The following MLLT10 variants were observed in gnomAD, a reference collection of about 807,000 sequenced individuals.
MLLT10 encodes the protein protein AF-10.
A neutral mutation model predicts 129.1 loss-of-function variants in MLLT10; 30 were observed. That is an observed-to-expected ratio of 0.23 (90% CI 0.17 to 0.32). MLLT10 has a LOEUF of 0.32. MLLT10 is among the 10% of genes least tolerant of loss of function. The probability of loss-of-function intolerance (pLI) is 1.00; values close to 1 mark genes in which losing one functional copy is unlikely to be tolerated. For missense variants in MLLT10, 1,119 were observed against 1,268.3 expected, an observed-to-expected ratio of 0.88 and a Z score of 1.79; for synonymous variants, 490 against 446.4, an observed-to-expected ratio of 1.10 and a Z score of -1.23.
rs1487208857 is a variant in MLLT10, at chr10:21,593,318, C to A, written c.296-2013C>A. Reference sequence around the variant, plus strand: ...TTGTTGCCTAGGGTGGTCTTGAACTCCTGATCTCAAGTGATCCGCCTCAGC... The same window carrying A: ...TTGTTGCCTAGGGTGGTCTTGAACTACTGATCTCAAGTGATCCGCCTCAGC... On this transcript the variant is annotated intron_variant, in intron 4 of 22. Coordinates refer to ENST00000307729, the MANE Select transcript of MLLT10 (RefSeq NM_001195626.3). 3.9e-5 allele frequency among the ~76,000 whole-genome samples: 6 copies of A among 151,996 alleles called. No individual in the cohort carries two copies. In the East Asian group the frequency reaches 1.2e-3, roughly 29 times the overall value.
chr10:21,652,988 T>TCTA (rs1010513062), intron 9 of MLLT10, among the ~76,000 whole-genome samples: 53 of 152,198 alleles, frequency 3.5e-4, no homozygotes, highest in African/African-American at 1.2e-3. Flanking sequence ...CACTAGAAGG[T>TCTA]ATAGAGTCAC....
At chr10:21,535,197 G>A (rs2033708669) in intron 2 of MLLT10, among the ~76,000 whole-genome samples, 1 of 152,160 alleles carries the variant, frequency 6.6e-6, no homozygotes, top group African/African-American at 2.4e-5. Flanking sequence ...GTTTGGGAGA[G>A]TGGAGCGCCC....
intron 15 of MLLT10, 46 bp from the exon 16 acceptor site, chr10:21,727,810 A>G (rs1305991093): frequency 6.8e-7 from 1 of 1,476,448 alleles, no homozygotes; most frequent in South Asian, 1.1e-5. Context: ...AAAACCTCTT[A>G]TCTAGTGAGA....
At chr10:21,675,754 C>G (rs1361530923) in intron 11 of MLLT10, among the ~76,000 whole-genome samples, 2 of 152,074 alleles carry the variant, frequency 1.3e-5, no homozygotes, top group Non-Finnish European at 1.5e-5. Context: ...TGTGGGGAGA[C>G]CTCTTTACTG....
In MLLT10 at chr10:21,717,828, T is replaced by C. The variant is rs1264103145; in HGVS notation, c.1878+3878T>C. ...TTCTTCTTCTCCTTCTTCTCCTCCT[T>C]CTCCTCCTCCTTCTCCTCCTCCTTC... On this transcript the variant is annotated intron_variant, in intron 14 of 22. Coordinates refer to ENST00000307729, the MANE Select transcript of MLLT10 (RefSeq NM_001195626.3). Among the ~76,000 whole-genome samples, 91 of 113,134 alleles carry C rather than the reference T, an allele frequency of 8.0e-4. 1 individual carries two copies. Among genetic ancestry groups the C allele is most frequent in the African/African-American group, 3.0e-3 (86 of 28,928 alleles). 74.2% of individuals were successfully genotyped at this position (113,134 alleles called of 152,430 possible).
At chr10:21,551,128 C>T (rs1248107945) in intron 3 of MLLT10, among the ~76,000 whole-genome samples, 3 of 151,232 alleles carry the variant, frequency 2.0e-5, no homozygotes, top group South Asian at 2.1e-4. Flanking sequence ...GGTTTCACCA[C>T]GTTGGTCAGG....
At chr10:21,550,612 A>G (rs1233233412) in intron 3 of MLLT10, among the ~76,000 whole-genome samples, 2 of 151,682 alleles carry the variant, frequency 1.3e-5, no homozygotes, top group African/African-American at 4.9e-5. Context: ...GCTCACTTCA[A>G]CCTCCGCCTC....
intron 9 of MLLT10, among the ~76,000 whole-genome samples, chr10:21,664,944 C>CTTTTTTTTTTTTT (rs146373535): frequency 7.5e-5 from 9 of 119,388 alleles, no homozygotes; most frequent in Non-Finnish European, 1.5e-4. Context: ...TTTTTCTTTT[C>CTTTTTTTTTTTTT]TTTTTTTTTT....
chr10:21,547,589 C>T (rs766185850), intron 3 of MLLT10, among the ~76,000 whole-genome samples: 6 of 149,960 alleles, frequency 4.0e-5, no homozygotes, highest in Admixed American at 1.3e-4. Context: ...AGTGTGATCT[C>T]GGCTCACTGC....
At chr10:21,723,555 A>G (rs1213191182) in intron 14 of MLLT10, among the ~76,000 whole-genome samples, 4 of 152,218 alleles carry the variant, frequency 2.6e-5, no homozygotes, top group African/African-American at 9.6e-5. Flanking sequence ...TAAGGCATCT[A>G]GAAGTACACT....
chr10:21,734,339 T>C (rs558407185), intron 20 of MLLT10, among the ~76,000 whole-genome samples: 60 of 152,344 alleles, frequency 3.9e-4, no homozygotes, highest in African/African-American at 1.4e-3. Context: ...AGCATTATGT[T>C]CTGTGCTGAA....
At position 21,732,969 on chromosome 10, in the gene MLLT10, C is replaced by T. The variant is rs2058080029; in HGVS notation, c.2289C>T (p.Asn763=). The T allele has an allele frequency of 2.5e-6, 4 of 1,613,852 alleles. No individual in the cohort carries two copies. The highest frequency in any genetic ancestry group is 3.4e-6 in the Non-Finnish European group (4 of 1,179,972). The change falls in exon 18 of 23, where the codon AAC becomes AAT. Residue 763 remains asparagine, a synonymous_variant. Coordinates refer to ENST00000307729, the MANE Select transcript of MLLT10 (RefSeq NM_001195626.3). ...GAAGATTAGAGGAACAAATTAAAAA[C>T]TTGACTGCCAAAAAGGAACGGCTTC... is the stretch of plus-strand genomic sequence containing the variant. ...ENRRLEEQIK[N]LTAKKERLQL...
At chr10:21,597,852 C>T (rs2043162132) in intron 5 of MLLT10, among the ~76,000 whole-genome samples, 1 of 152,110 alleles carries the variant, frequency 6.6e-6, no homozygotes, top group Non-Finnish European at 1.5e-5. Context: ...ATATGTGATT[C>T]TGTGTTCTTT....
intron 3 of MLLT10, among the ~76,000 whole-genome samples, chr10:21,571,325 C>G (rs1053023758): frequency 6.6e-6 from 1 of 151,880 alleles, no homozygotes; most frequent in African/African-American, 2.4e-5. Context: ...ATTTCTCTCT[C>G]TCTCTCCAGC....
intron 2 of MLLT10, among the ~76,000 whole-genome samples, chr10:21,537,669 A>G (rs1315434085): frequency 2.0e-5 from 3 of 151,980 alleles, no homozygotes; most frequent in Non-Finnish European, 4.4e-5. Context: ...GGGTTTCACC[A>G]TCTTGGCCAG....
intron 4 of MLLT10, among the ~76,000 whole-genome samples, chr10:21,588,948 C>T (rs961535323): frequency 1.3e-5 from 2 of 151,696 alleles, no homozygotes; most frequent in South Asian, 2.1e-4. Flanking sequence ...CTCACTCACC[C>T]GAATAGCTGG....
Position 21,735,243 on chromosome 10 carries a change from CT to C in MLLT10, c.2955+11del. 1 of 1,591,194 alleles carries C rather than the reference CT, an allele frequency of 6.3e-7. No homozygotes were observed. Among genetic ancestry groups the C allele is most frequent in the Non-Finnish European group, 8.6e-7 (1 of 1,160,164 alleles). On this transcript the variant is annotated intron_variant, in intron 21 of 22. Transcript: ENST00000307729. Reference sequence around the variant, plus strand: ...TCTCAACAGCTCACACCAGTAAGTTCTTTCTTTTGATAATATCTTATTAGGA... The same window carrying C: ...TCTCAACAGCTCACACCAGTAAGTTCTTCTTTTGATAATATCTTATTAGGA...
chr10:21,733,627 TTTAC>T (rs758013890), intron 19 of MLLT10, 35 bp downstream of exon 19: 10 of 1,481,306 alleles, frequency 6.8e-6, no homozygotes, highest in Middle Eastern at 2.0e-4. Context: ...TCTATGTTGA[TTTAC>T]TTGTGAATAA....
At chr10:21,644,288 GT>G (rs1212492414) in intron 8 of MLLT10, among the ~76,000 whole-genome samples, 1 of 152,134 alleles carries the variant, frequency 6.6e-6, no homozygotes, top group Non-Finnish European at 1.5e-5. Context: ...TTGCCATACA[GT>G]TTTTAAAATG....
Sources: allele counts gnomAD v4.1 joint callset (sites outside exome capture counted in the v4.1 genomes callset), GRCh38; gene constraint gnomAD v4.1.1; transcripts MANE v1.5; gene names NCBI Gene and HGNC (gene_info 2026-07-23, HGNC 2026-07-21).